Variants in RPL26L1 observed in about 807,000 individuals in gnomAD.
RPL26L1 encodes ribosomal protein L26 like 1.
A neutral mutation model predicts 15.2 loss-of-function variants in RPL26L1; 8 were observed. That is an observed-to-expected ratio of 0.53 (90% CI 0.31 to 0.95). The LOEUF is 0.95. Among genes scored for constraint, RPL26L1 ranks in the 40% least tolerant of loss-of-function variants. The pLI is 0.05. For synonymous variants in RPL26L1, 51 were observed against 65.9 expected (o/e 0.77, Z 1.09); for missense variants, 146 against 190.9 (o/e 0.76, Z 1.39).
chr5:172,960,239 G>A (rs1242337670), intron 2 of RPL26L1, among the ~76,000 whole-genome samples, 198 bp downstream of exon 2: 1 of 152,196 alleles, frequency 6.6e-6, no homozygotes, highest in Admixed American at 6.5e-5. Flanking sequence ...AATAGTAATA[G>A]TAAAATTTAA....
chr5:172,960,110 A>T, intron 2 of RPL26L1, 69 bp downstream of exon 2: 1 of 1,569,646 alleles, frequency 6.4e-7, no homozygotes, highest in Non-Finnish European at 8.8e-7. Flanking sequence ...TGGAGCAGTC[A>T]CAGACTCACA....
At chr5:172,968,901 G>C (rs1377851054) in intron 3 of RPL26L1, among the ~76,000 whole-genome samples, 2 of 136,008 alleles carry the variant, frequency 1.5e-5, no homozygotes, top group Admixed American at 1.8e-4. Flanking sequence ...TCCACCTCCT[G>C]GGTTCAAGCA....
At position 172,968,524 on chromosome 5, in the gene RPL26L1, T is replaced by G; in HGVS notation, c.234T>G (p.Tyr78Ter). The change falls in exon 3 of 4, where the codon TAT becomes TAG. Residue 78 changes from tyrosine to a stop codon, truncating the protein, a stop_gained. Transcript: ENST00000265100. LOFTEE classifies it high-confidence loss of function. Reference protein sequence around the residue: ...GKVVQVYRKKYVIYIERVQRE... With the variant: ...GKVVQVYRKK ...TAGTCCAGGTGTACAGAAAGAAATA[T>G]GTCATCTACATCGAGCGGGTGCAGC... 6.2e-7 allele frequency: 1 copy of G among 1,614,152 alleles called. No homozygotes were observed. The highest frequency in any genetic ancestry group is 8.5e-7 in the Non-Finnish European group (1 of 1,180,006).
chr5:172,959,822 C>T, intron 1 of RPL26L1, 43 bp from the exon 2 acceptor site: 1 of 1,598,582 alleles, frequency 6.3e-7, no homozygotes, highest in East Asian at 2.2e-5. Context: ...CCCCTGTAAC[C>T]CACTGAGCGC....
chr5:172,968,022 G>A (rs1032098856), intron 2 of RPL26L1, among the ~76,000 whole-genome samples: 2 of 152,012 alleles, frequency 1.3e-5, no homozygotes, highest in Non-Finnish European at 2.9e-5. Flanking sequence ...CAACGTGATG[G>A]TCAAAGGAAG....
At chr5:172,958,092 C>G (rs988257813), upstream of RPL26L1, 3 of 296,434 alleles carry the variant, frequency 1.0e-5, no homozygotes, top group Non-Finnish European at 2.1e-5. Context: ...TGGAGAAACC[C>G]CGTCTCTACT....
At position 172,969,362 on chromosome 5, in the gene RPL26L1, A is replaced by G. The variant is rs1460861315; in HGVS notation, c.310-51A>G. On this transcript the variant is annotated intron_variant, in intron 3 of 3. Transcript: ENST00000265100. ...TTAACTTATGATGTCTATATTGCTC[A>G]ATAGCTGGTGGGGATGCAGAAATAA... 12 of 1,594,756 alleles carry G rather than the reference A, an allele frequency of 7.5e-6. No individual in the cohort carries two copies. In the African/African-American group the frequency reaches 1.5e-4, roughly 20 times the overall value.
intron 2 of RPL26L1, among the ~76,000 whole-genome samples, chr5:172,961,417 C>G (rs1755231168): frequency 6.6e-6 from 1 of 152,138 alleles, no homozygotes; most frequent in Non-Finnish European, 1.5e-5. Context: ...CCCATTGATG[C>G]CTGGGGGAAA....
In RPL26L1 at chr5:172,959,992, A is replaced by G. The variant is rs747646477; in HGVS notation, c.119A>G (p.Gln40Arg). ...TCCCCGCTCTCCAAGGAGCTGCGGCAGAAGTACAATGTCCGCTCCATGCCC... is the reference window on the plus strand; with the variant it reads ...TCCCCGCTCTCCAAGGAGCTGCGGCGGAAGTACAATGTCCGCTCCATGCCC... The part of the protein sequence containing the change: ...MSSPLSKELR[Q>R]KYNVRSMPIR... Residue 40 changes from glutamine (Q) to arginine (R), a missense_variant, in exon 2 of 4, where the codon CAG (glutamine) becomes CGG (arginine). Transcript: ENST00000265100. 1.2e-6 allele frequency: 2 copies of G among 1,614,092 alleles called. No homozygotes were observed. Among genetic ancestry groups the G allele is most frequent in the African/African-American group, 2.7e-5 (2 of 74,946 alleles).
rs193243986 is a variant in RPL26L1 at position 172,959,447 on chromosome 5, G to T, written c.-31G>T. 2.8e-4 allele frequency: 286 copies of T among 1,012,288 alleles called. 1 individual carries two copies. The highest frequency in any genetic ancestry group is 1.5e-3 in the Middle Eastern group (3 of 1,978). 62.7% of individuals were successfully genotyped at this position (1,012,288 alleles called of 1,614,324 possible). On this transcript the variant is annotated 5_prime_UTR_variant, in exon 1 of 4. Coordinates refer to ENST00000265100, the MANE Select transcript of RPL26L1 (RefSeq NM_016093.4). ...TCACTTCCGGCCCTGCGCACTCAGG[G>T]TCTGAGGCAGCTAGTAGCCGGGTGA...
At chr5:172,961,743 C>T (rs1002222044) in intron 2 of RPL26L1, among the ~76,000 whole-genome samples, 9 of 152,338 alleles carry the variant, frequency 5.9e-5, no homozygotes, top group East Asian at 1.9e-4. Flanking sequence ...GGTAATAATC[C>T]GTTCTTAGAG....
At chr5:172,957,212 A>G (rs1755002268), upstream of RPL26L1, 2 of 456,278 alleles carry the variant, frequency 4.4e-6, no homozygotes, top group Non-Finnish European at 4.4e-6. Flanking sequence ...AGGGGTGGGC[A>G]TGAGACAAGA....
At chr5:172,957,538 T>C (rs1561752699), upstream of RPL26L1, 1 of 284,006 alleles carries the variant, frequency 3.5e-6, no homozygotes, top group South Asian at 3.1e-5. Context: ...AATGAATGAA[T>C]GTATGAGTAA....
chr5:172,955,274 GCC>G (rs2113510525), upstream of RPL26L1: 2 of 297,050 alleles, frequency 6.7e-6, no homozygotes, highest in African/African-American at 2.2e-5. Context: ...GATTACAGGC[GCC>G]CACCACCATG....
chr5:172,967,762 A>G (rs965941915), intron 2 of RPL26L1, among the ~76,000 whole-genome samples: 3 of 117,846 alleles, frequency 2.5e-5, no homozygotes, highest in Non-Finnish European at 5.4e-5. Flanking sequence ...GTATATATAC[A>G]TATATACACA....
chr5:172,961,594 C>T (rs1561755787), intron 2 of RPL26L1, among the ~76,000 whole-genome samples: 1 of 152,196 alleles, frequency 6.6e-6, no homozygotes, highest in Non-Finnish European at 1.5e-5. Context: ...CTCTTGGATT[C>T]TCTTCAGTCT....
chr5:172,955,421 G>A (rs184139949), upstream of RPL26L1: 299 of 162,810 alleles, frequency 1.8e-3, 1 homozygote, highest in Non-Finnish European at 2.6e-3. Context: ...GAGCCACTGC[G>A]CCCAGCCTGT....
At chr5:172,966,017 C>T (rs910706497) in intron 2 of RPL26L1, among the ~76,000 whole-genome samples, 18 of 152,240 alleles carry the variant, frequency 1.2e-4, no homozygotes, top group Non-Finnish European at 2.4e-4. Flanking sequence ...TATCATCCTT[C>T]CCTCTTCATC....
Position 172,959,465 on chromosome 5 carries a change from C to A in RPL26L1, c.-13C>A, listed in dbSNP as rs978722890. ...ACTCAGGGTCTGAGGCAGCTAGTAG[C>A]CGGGTGAGTGGAGGCTGGAGTTTTC... is the stretch of plus-strand genomic sequence containing the variant. On this transcript the variant is annotated 5_prime_UTR_variant, in exon 1 of 4. Transcript: ENST00000265100. The A allele has an allele frequency of 9.8e-7, 1 of 1,016,910 alleles. No homozygotes were observed. Among genetic ancestry groups the A allele is most frequent in the Non-Finnish European group, 1.2e-6 (1 of 845,866 alleles). The allele number at this position is 1,016,910 out of a possible 1,614,324, so 63.0% of individuals were successfully genotyped here.
Sources: allele counts gnomAD v4.1 joint callset (sites outside exome capture counted in the v4.1 genomes callset), GRCh38; gene constraint gnomAD v4.1.1; transcripts MANE v1.5; gene names NCBI Gene and HGNC (gene_info 2026-07-23, HGNC 2026-07-21).